STRIP1: variants seen among roughly 807,000 people sequenced by gnomAD.
STRIP1 encodes the protein striatin-interacting protein 1.
A neutral mutation model predicts 106.2 loss-of-function variants in STRIP1; 63 were observed. The observed-to-expected ratio is 0.59, with a 90% CI of 0.48 to 0.73. The LOEUF (loss-of-function observed/expected upper bound fraction) is 0.73. STRIP1 is among the 30% of genes least tolerant of loss of function. The pLI is 0.00. For synonymous variants in STRIP1, 390 were observed against 413.0 expected (o/e 0.94, Z 0.67); for missense variants, 857 against 1,074.8 (o/e 0.80, Z 2.83).
Position 110,050,950 on chromosome 1 carries a change from C to G in STRIP1, c.1957-6C>G, listed in dbSNP as rs752551258. The G allele has an allele frequency of 6.4e-7, 1 of 1,559,146 alleles. No homozygotes were observed. The highest frequency in any genetic ancestry group is 8.9e-7 in the Non-Finnish European group (1 of 1,129,830). On this transcript the variant is annotated splice_polypyrimidine_tract_variant and splice_region_variant and intron_variant, in intron 18 of 20. Transcript: ENST00000369795. The stretch of plus-strand genomic sequence containing the variant: ...AGGGCTGATTGTTCCTGGGTTTACC[C>G]TGCAGGAAGCAGGTGACAGTAACCA...
At chr1:110,043,408 A>G in intron 9 of STRIP1, 138 bp downstream of exon 9, 1 of 1,007,456 alleles carries the variant, frequency 9.9e-7, no homozygotes, top group South Asian at 1.5e-5. Flanking sequence ...CAGCGAGGAT[A>G]CTTTGTCCCC....
rs758733197 is a variant in STRIP1, at chr1:110,051,669, G to C, written c.2062-14G>C. ...TGTCTTCAACTTGGGCTGCTTGCTT[G>C]TTTCCCTTCCCAGATGCTGGTGGTG... On this transcript the variant is annotated splice_polypyrimidine_tract_variant and intron_variant, in intron 19 of 20. Transcript: ENST00000369795. The C allele has an allele frequency of 1.3e-6, 2 of 1,588,722 alleles. No individual in the cohort carries two copies. Among genetic ancestry groups the C allele is most frequent in the South Asian group, 2.3e-5 (2 of 88,146 alleles).
intron 20 of STRIP1, among the ~76,000 whole-genome samples, chr1:110,053,065 C>G (rs1401926459): frequency 6.6e-6 from 1 of 152,222 alleles, no homozygotes; most frequent in Non-Finnish European, 1.5e-5. Context: ...AGTCCAGCCT[C>G]CATCATACCC....
rs775614100 is a variant in STRIP1, at chr1:110,049,230, G to A, written c.1780G>A (p.Val594Ile). ...GCTCAAGCACTTTAAGTTGAACCAT[G>A]TCTACCAGGTACCCACAGGGCTTTC... ...LLLKHFKLNH[V>I]YQFEYMAQHL... Residue 594 changes from valine (V) to isoleucine (I), a missense_variant, in exon 16 of 21, where the codon GTC becomes ATC. Physicochemically the swap from Val to Ile is conservative, Grantham distance 29. This residue lies in a region of STRIP1 where 750 missense variants were observed against 989.8 expected (regional missense o/e 0.76). Coordinates refer to ENST00000369795, the MANE Select transcript of STRIP1 (RefSeq NM_033088.4). The A allele has an allele frequency of 3.7e-6, 6 of 1,614,038 alleles. No individual in the cohort carries two copies. The African/African-American group carries it at 5.3e-5, about 14-fold the overall frequency.
rs1194387004 is a variant in STRIP1 at position 110,051,893 on chromosome 1, ACT to A, written c.2266+9_2266+10del. ...CGACTGGGCATACGGCAATGGTGAG[ACT>A]CTGCACTCAGCCAGATTTGGGTGGG... On this transcript the variant is annotated splice_region_variant and intron_variant, in intron 20 of 20. Transcript: ENST00000369795. 1.9e-6 allele frequency: 3 copies of A among 1,611,400 alleles called. No homozygotes were observed. Among genetic ancestry groups the A allele is most frequent in the African/African-American group, 1.3e-5 (1 of 74,902 alleles).
At chr1:110,034,882 G>T in intron 1 of STRIP1, 65 bp downstream of exon 1, 1 of 1,364,970 alleles carries the variant, frequency 7.3e-7, no homozygotes, top group Non-Finnish European at 9.5e-7. Context: ...CGGGCCCGGG[G>T]CCACTCTAGG....
intron 17 of STRIP1, 35 bp downstream of exon 17, chr1:110,049,595 T>C: frequency 6.8e-7 from 1 of 1,474,788 alleles, no homozygotes; most frequent in Non-Finnish European, 9.5e-7. Flanking sequence ...GGGGTGGATA[T>C]GGTCAGACGG....
At chr1:110,037,002 A>T (rs959951962) in intron 1 of STRIP1, among the ~76,000 whole-genome samples, 1 of 152,006 alleles carries the variant, frequency 6.6e-6, no homozygotes, top group Non-Finnish European at 1.5e-5. Flanking sequence ...TTTTTAAAAA[A>T]TTTTATATTT....
rs1357639562 is a variant in STRIP1 at position 110,051,797 on chromosome 1, C to T, written c.2176C>T (p.Arg726Trp). The T allele has an allele frequency of 4.3e-6, 7 of 1,613,656 alleles. No individual in the cohort carries two copies. Among genetic ancestry groups the T allele is most frequent in the Non-Finnish European group, 5.1e-6 (6 of 1,180,026 alleles). ...CAAGGTACAGACCAAATACTTGGGG[C>T]GGCAGTGGCGAAAGAGCAACATGAA... Reference protein sequence around the residue: ...LLKVQTKYLGRQWRKSNMKTM... With the variant: ...LLKVQTKYLGWQWRKSNMKTM... Residue 726 changes from arginine (R) to tryptophan (W), a missense_variant, in exon 20 of 21, where the codon CGG (arginine) becomes TGG (tryptophan). By Grantham distance (101) the Arg-to-Trp change is moderately radical (BLOSUM62 -3). This residue lies in a region of STRIP1 where 750 missense variants were observed against 989.8 expected (regional missense o/e 0.76). Coordinates refer to ENST00000369795, the MANE Select transcript of STRIP1 (RefSeq NM_033088.4).
Position 110,054,072 on chromosome 1 carries a change from T to C in STRIP1, c.*160T>C, listed in dbSNP as rs547051251. 764 of 807,186 alleles carry C rather than the reference T, an allele frequency of 9.5e-4. 4 individuals carry two copies. Among genetic ancestry groups the C allele is most frequent in the Non-Finnish European group, 2.8e-4 (147 of 516,078 alleles). The allele number at this position is 807,186 out of a possible 1,614,324, so 50.0% of individuals were successfully genotyped here. On this transcript the variant is annotated 3_prime_UTR_variant, in exon 21 of 21. Coordinates refer to ENST00000369795, the MANE Select transcript of STRIP1 (RefSeq NM_033088.4). ...GTCCTGGGCTTGGGTGAGCCCAGCT[T>C]GACCTCCCCTTGGTTCCCAGGGTCC...
rs775096358 is a variant in STRIP1 at position 110,049,104 on chromosome 1, G to C, written c.1662-8G>C. ...GCTGGTGGCTTACCCAGGCAATTAT[G>C]TTTCCAGCACCACAGTGTTGCAGAG... On this transcript the variant is annotated splice_region_variant and splice_polypyrimidine_tract_variant and intron_variant, in intron 15 of 20. Transcript: ENST00000369795. The C allele has an allele frequency of 3.1e-6, 5 of 1,614,172 alleles. No homozygotes were observed. The highest frequency in any genetic ancestry group is 3.4e-6 in the Non-Finnish European group (4 of 1,180,002).
chr1:110,047,784 A>G lies in STRIP1; in HGVS notation c.1576A>G (p.Lys526Glu). 1 of 1,569,316 alleles carries G rather than the reference A, an allele frequency of 6.4e-7. No homozygotes were observed. Among genetic ancestry groups the G allele is most frequent in the South Asian group, 1.2e-5 (1 of 85,506 alleles). The change falls in exon 15 of 21, where the codon AAG becomes GAG. Residue 526 changes from lysine to glutamate, a missense_variant. Physicochemically the swap from Lys to Glu is moderately conservative, Grantham distance 56. Around this residue, in one of 2 missense-constraint regions of STRIP1, gnomAD observed 750 missense variants for 989.8 expected, o/e 0.76. Coordinates refer to ENST00000369795, the MANE Select transcript of STRIP1 (RefSeq NM_033088.4). ...SLPQYMIALL[K>E]ILLAAAPTSK... Reference sequence around the variant, plus strand: ...CTACTCTTCCCAGATTGCCCTCCTGAAGATCCTGTTGGCTGCAGCACCCAC... The same window carrying G: ...CTACTCTTCCCAGATTGCCCTCCTGGAGATCCTGTTGGCTGCAGCACCCAC...
intron 17 of STRIP1, 190 bp downstream of exon 17, chr1:110,049,750 G>T: frequency 1.8e-6 from 1 of 563,164 alleles, no homozygotes; most frequent in Non-Finnish European, 3.1e-6. Context: ...AGTCTAGCTA[G>T]TCCTGCCCCA....
intron 6 of STRIP1, 37 bp from the exon 7 acceptor site, chr1:110,041,499 C>T (rs1158074169): frequency 6.5e-7 from 1 of 1,530,284 alleles, no homozygotes; most frequent in East Asian, 2.2e-5. Context: ...TTTGACCCCC[C>T]CATCCCACTC....
Position 110,043,805 on chromosome 1 carries a change from AG to A in STRIP1, c.1236del (p.Thr413LeufsTer4). ...ATGCCTCCCCCGCTACAGCACCCAC[AG>A]ACTGACAGGCTGACTTGCCCCAAAG... ...EVMPPPLQHP[Q>X]TDRLTCPKGL... On this transcript the variant is annotated frameshift_variant, in exon 10 of 21. Transcript: ENST00000369795. LOFTEE classifies it high-confidence loss of function. The A allele has an allele frequency of 6.2e-7, 1 of 1,614,204 alleles. No individual in the cohort carries two copies. Among genetic ancestry groups the A allele is most frequent in the Non-Finnish European group, 8.5e-7 (1 of 1,180,026 alleles).
At chr1:110,035,575 C>G (rs1164282091) in intron 1 of STRIP1, among the ~76,000 whole-genome samples, 1 of 152,106 alleles carries the variant, frequency 6.6e-6, no homozygotes, top group East Asian at 1.9e-4. Flanking sequence ...AACCTCACCC[C>G]AAGTTAAGGA....
Position 110,052,342 on chromosome 1 carries a change from A to G in STRIP1, c.2266+455A>G, listed in dbSNP as rs35467411. Among the ~76,000 whole-genome samples the G allele has an allele frequency of 3.1e-3, 473 of 152,174 alleles. 2 individuals are homozygous for G. The highest frequency in any genetic ancestry group is 5.7e-3 in the Non-Finnish European group (389 of 67,984). On this transcript the variant is annotated intron_variant, in intron 20 of 20. Coordinates refer to ENST00000369795, the MANE Select transcript of STRIP1 (RefSeq NM_033088.4). ...TAGAGTGCGATCCTGGCTCACCACAACATCTGCCTCCTGGGCTCAAACTAT... is the reference window on the plus strand; with the variant it reads ...TAGAGTGCGATCCTGGCTCACCACAGCATCTGCCTCCTGGGCTCAAACTAT...
intron 2 of STRIP1, chr1:110,038,187 G>A (rs1276769504): frequency 5.9e-6 from 1 of 169,802 alleles, no homozygotes; most frequent in African/African-American, 2.5e-5. Flanking sequence ...TTATGAAGCT[G>A]GCTAGAGCCC....
intron 8 of STRIP1, 51 bp from the exon 9 acceptor site, chr1:110,043,037 C>T (rs1193205467): frequency 6.5e-7 from 1 of 1,531,308 alleles, no homozygotes; most frequent in Non-Finnish European, 8.8e-7. Context: ...TGGTCAGGGG[C>T]CAGCCTGTGG....
Sources: gnomAD v4.1 joint callset for allele counts (sites outside exome capture counted in the v4.1 genomes callset) on GRCh38, gnomAD v4.1.1 for gene constraint, gnomAD v4.1.1 regional missense constraint, MANE v1.5 for transcripts, NCBI Gene and HGNC (gene_info 2026-07-23, HGNC 2026-07-21) for gene names.